The following GCNA variants were observed in gnomAD, a reference collection of about 807,000 sequenced individuals.
The protein encoded by GCNA is germ cell nuclear acidic protein.
In GCNA, 3 loss-of-function variants were observed where a neutral mutation model predicts 38.8. The observed-to-expected ratio is 0.08, with a 90% CI of 0.04 to 0.20. The LOEUF is 0.20. Ranked by LOEUF, GCNA falls within the 10% of genes least tolerant of loss-of-function variation. GCNA has a pLI of 1.00. For missense variants in GCNA, 446 were observed against 578.6 expected (o/e 0.77, Z 2.35); for synonymous variants, 195 against 240.2 (o/e 0.81, Z 1.74).
At position 71,612,437 on chromosome X, in the gene GCNA, C is replaced by T. The variant is rs148012096; in HGVS notation, c.1833C>T (p.Asp611=). The T allele has an allele frequency of 5.6e-5, 68 of 1,204,999 alleles. No homozygotes were observed. In the African/African-American group the frequency reaches 9.9e-4, roughly 17 times the overall value. ...ATGGTATCCATGATTCTCATGGTGA[C>T]GCATGGAAGTATTATGCCAGGAAAT... The part of the protein sequence containing the change: ...LIDGIHDSHG[D]AWKYYARKSN... The change falls in exon 12 of 13, where the codon GAC becomes GAT. Residue 611 remains aspartate, a synonymous_variant. Transcript: ENST00000373696.
In GCNA at chrX:71,604,093, G is replaced by A. The variant is rs368020183; in HGVS notation, c.816G>A (p.Ser272=). The change falls in exon 8 of 13, where the codon TCG becomes TCA. Residue 272 remains serine, a synonymous_variant. Coordinates refer to ENST00000373696, the MANE Select transcript of GCNA (RefSeq NM_052957.5). ...SEAPDDSSDD[S]EAPDDSSDDS... ...CTCCCGACGACAGCAGTGATGATTC[G>A]GAAGCTCCCGACGACAGCAGTGATG... is the stretch of plus-strand genomic sequence containing the variant. The A allele has an allele frequency of 1.7e-5, 20 of 1,201,087 alleles. No individual in the cohort carries two copies. The highest frequency in any genetic ancestry group is 3.6e-5 in the South Asian group (2 of 56,312).
intron 8 of GCNA, among the ~76,000 whole-genome samples, chrX:71,604,907 A>G (rs1334716143): frequency 8.9e-6 from 1 of 112,174 alleles, no homozygotes; most frequent in East Asian, 2.8e-4. Context: ...TCACTAGCCT[A>G]GAGTGCTGTC....
At chrX:71,605,827 A>T in intron 9 of GCNA, 98 bp downstream of exon 9, 1 of 726,180 alleles carries the variant, frequency 1.4e-6, no homozygotes, top group Non-Finnish European at 2.0e-6. Context: ...CTGCAAGGGG[A>T]TGGAGTCTGG....
chrX:71,598,184 G>A, intron 7 of GCNA, 146 bp downstream of exon 7: 1 of 449,111 alleles, frequency 2.2e-6, no homozygotes, highest in Non-Finnish European at 3.9e-6. Flanking sequence ...TGTGCTGGCT[G>A]TGGATATGGC....
intron 8 of GCNA, 47 bp from the exon 9 acceptor site, chrX:71,605,616 C>A (rs1200770682): frequency 1.8e-6 from 2 of 1,103,639 alleles, no homozygotes; most frequent in African/African-American, 1.8e-5. Flanking sequence ...CGTGATGGTA[C>A]CAATTTTCGG....
intron 11 of GCNA, among the ~76,000 whole-genome samples, chrX:71,611,897 C>T (rs2040813143): frequency 9.0e-6 from 1 of 111,216 alleles, no homozygotes; most frequent in African/African-American, 3.3e-5. Flanking sequence ...AGGTAACACT[C>T]GTGCTTGCCT....
chrX:71,599,750 A>C (rs1054900696), intron 7 of GCNA, among the ~76,000 whole-genome samples: 2 of 112,263 alleles, frequency 1.8e-5, no homozygotes, highest in Admixed American at 1.9e-4. Flanking sequence ...GTCACTGTAC[A>C]TAGTCATTTT....
At chrX:71,583,140 TA>T (rs1293370407) in intron 2 of GCNA, among the ~76,000 whole-genome samples, 1 of 112,069 alleles carries the variant, frequency 8.9e-6, no homozygotes, top group African/African-American at 3.2e-5. Flanking sequence ...AAAATAAAAA[TA>T]AAAAAAGAAA....
intron 11 of GCNA, among the ~76,000 whole-genome samples, chrX:71,611,620 A>G (rs1399243715): frequency 9.0e-6 from 1 of 111,615 alleles, no homozygotes; most frequent in African/African-American, 3.3e-5. Flanking sequence ...TGCAAATTCA[A>G]TCAATTAGTA....
At chrX:71,588,832 T>TAAATA (rs772598641) in intron 2 of GCNA, among the ~76,000 whole-genome samples, 12 of 109,658 alleles carry the variant, frequency 1.1e-4, no homozygotes, top group South Asian at 7.8e-4. Context: ...GTCTCATAAA[T>TAAATA]AAATAAAATA....
chrX:71,588,471 T>G (rs756033608), intron 2 of GCNA, among the ~76,000 whole-genome samples: 1 of 112,143 alleles, frequency 8.9e-6, no homozygotes, highest in East Asian at 2.8e-4. Context: ...CTTCCAGAGA[T>G]TTTTCTGTAG....
At chrX:71,588,914 C>T (rs943400454) in intron 2 of GCNA, among the ~76,000 whole-genome samples, 66 of 95,330 alleles carry the variant, frequency 6.9e-4, no homozygotes, top group Non-Finnish European at 9.0e-4. Flanking sequence ...TTTTCTTTGT[C>T]AGCCAGGTGG....
At position 71,612,427 on chromosome X, in the gene GCNA, C is replaced by G. The variant is rs752324486; in HGVS notation, c.1823C>G (p.Ser608Cys). The G allele has an allele frequency of 8.3e-7, 1 of 1,205,442 alleles. No homozygotes were observed. The highest frequency in any genetic ancestry group is 1.1e-6 in the Non-Finnish European group (1 of 892,371). ...ASWLIDGIHD[S>C]HGDAWKYYAR... ...TGGCTGATTGATGGTATCCATGATT[C>G]TCATGGTGACGCATGGAAGTATTAT... Residue 608 changes from serine (S) to cysteine (C), a missense_variant, in exon 12 of 13, where the codon TCT (serine) becomes TGT (cysteine). This residue lies in a region of GCNA where 60 missense variants were observed against 111.0 expected (regional missense o/e 0.54). Transcript: ENST00000373696.
chrX:71,612,367 A>G lies in GCNA; in HGVS notation c.1763A>G (p.Asp588Gly), dbSNP rs1230222641. ...KVCDSADRIR[D>G]TLIHEMCHAA... The stretch of plus-strand genomic sequence containing the variant: ...TTCTTCTTTCAAGACCGAATCCGGG[A>G]TACCTTGATCCATGAAATGTGCCAT... The change falls in exon 12 of 13, where the codon GAT becomes GGT. Residue 588 changes from aspartate to glycine, a missense_variant. Physicochemically the swap from Asp to Gly is moderately conservative, Grantham distance 94. Around this residue, in one of 7 missense-constraint regions of GCNA, gnomAD observed 60 missense variants for 111.0 expected, o/e 0.54. Coordinates refer to ENST00000373696, the MANE Select transcript of GCNA (RefSeq NM_052957.5). 1 of 1,194,422 alleles carries G rather than the reference A, an allele frequency of 8.4e-7. No homozygotes were observed. Among genetic ancestry groups the G allele is most frequent in the Non-Finnish European group, 1.1e-6 (1 of 887,397 alleles).
intron 2 of GCNA, among the ~76,000 whole-genome samples, chrX:71,583,555 T>C (rs1469304864): frequency 9.0e-6 from 1 of 111,023 alleles, no homozygotes; most frequent in African/African-American, 3.3e-5. Flanking sequence ...GAATGCTAAT[T>C]TAAAAATCAT....
intron 12 of GCNA, 48 bp from the exon 13 acceptor site, chrX:71,612,814 G>A (rs756883340): frequency 7.5e-6 from 9 of 1,194,372 alleles, no homozygotes; most frequent in East Asian, 3.0e-5. Flanking sequence ...CTGATGCTGA[G>A]GTGCAGTGAC....
chrX:71,601,869 A>T (rs1602179332), intron 7 of GCNA, among the ~76,000 whole-genome samples: 1 of 112,647 alleles, frequency 8.9e-6, no homozygotes, highest in Middle Eastern at 4.6e-3. Context: ...TGATGGGCAC[A>T]TAGGTTGCTT....
chrX:71,591,749 C>T (rs192621316), intron 2 of GCNA, among the ~76,000 whole-genome samples: 1 of 112,241 alleles, frequency 8.9e-6, no homozygotes, highest in East Asian at 2.8e-4. Context: ...AAGCGATCCT[C>T]CCCGCTCAGC....
chrX:71,586,449 T>G (rs2040586250), intron 2 of GCNA, among the ~76,000 whole-genome samples: 1 of 111,024 alleles, frequency 9.0e-6, no homozygotes, highest in African/African-American at 3.3e-5. Context: ...GCAGATGGGT[T>G]GGATATGGGA....
Sources: gnomAD v4.1 joint callset for allele counts (sites outside exome capture counted in the v4.1 genomes callset) on GRCh38, gnomAD v4.1.1 for gene constraint, gnomAD v4.1.1 regional missense constraint, MANE v1.5 for transcripts, NCBI Gene and HGNC (gene_info 2026-07-23, HGNC 2026-07-21) for gene names.